CRISP1: variants seen among roughly 807,000 people sequenced by gnomAD.
The protein encoded by CRISP1 is cysteine-rich secretory protein 1.
A neutral mutation model predicts 33.1 loss-of-function variants in CRISP1; 44 were observed. The observed-to-expected ratio is 1.33, with a 90% CI of 1.05 to 1.71. The LOEUF (loss-of-function observed/expected upper bound fraction) is 1.71. CRISP1 is among the 40% of genes most tolerant of loss of function. CRISP1 has a pLI of 0.00. For synonymous variants in CRISP1, 103 were observed against 98.7 expected, an observed-to-expected ratio of 1.04 and a Z score of -0.26; for missense variants, 390 against 301.2, an observed-to-expected ratio of 1.29 and a Z score of -2.18.
chr6:49,865,832 G>T (rs1052498414), intron 1 of CRISP1, among the ~76,000 whole-genome samples: 2 of 152,180 alleles, frequency 1.3e-5, no homozygotes, highest in African/African-American at 4.8e-5. Context: ...CAGATGGAAA[G>T]ACTGCAGAAA....
chr6:49,840,229 G>C (rs1770938949), intron 6 of CRISP1, among the ~76,000 whole-genome samples: 1 of 152,184 alleles, frequency 6.6e-6, no homozygotes, highest in Non-Finnish European at 1.5e-5. Context: ...GGGCCCTGCA[G>C]TCATCCTTGT....
intron 1 of CRISP1, among the ~76,000 whole-genome samples, chr6:49,864,404 G>A (rs1282589149): frequency 6.6e-6 from 1 of 151,572 alleles, no homozygotes; most frequent in African/African-American, 2.4e-5. Context: ...GTGTGTGTGT[G>A]TGTGTGTGTG....
intron 1 of CRISP1, among the ~76,000 whole-genome samples, chr6:49,862,721 G>T (rs1771685303): frequency 6.6e-6 from 1 of 151,704 alleles, no homozygotes; most frequent in Non-Finnish European, 1.5e-5. Flanking sequence ...GCTAAGAAAG[G>T]ACCTTAGATT....
Position 49,864,058 on chromosome 6 carries a change from G to T in CRISP1, c.-3+2371C>A, listed in dbSNP as rs1771730338. On this transcript the variant is annotated intron_variant, in intron 1 of 7. Coordinates refer to ENST00000335847, the MANE Select transcript of CRISP1 (RefSeq NM_001131.3). ...AGGAAGGTCACTTGCACCCCTTTCA[G>T]TCTGAAGCCCTCAAGAGTAAAACCT... is the stretch of plus-strand genomic sequence containing the variant. 2.0e-5 allele frequency among the ~76,000 whole-genome samples: 3 copies of T among 152,228 alleles called. No individual in the cohort carries two copies. In the South Asian group the frequency reaches 6.2e-4, roughly 32 times the overall value.
chr6:49,864,688 A>G (rs1203117045), intron 1 of CRISP1, among the ~76,000 whole-genome samples: 1 of 152,126 alleles, frequency 6.6e-6, no homozygotes, highest in Non-Finnish European at 1.5e-5. Flanking sequence ...TGTGCTTATC[A>G]GCCACTTTGA....
rs879137599 is a variant in CRISP1, at chr6:49,841,086, A to G, written c.436-91T>C. The stretch of plus-strand genomic sequence containing the variant: ...TTGTCATCCATGATTAAAAGTAAAC[A>G]TGTTGCTTTTAGGTTTACTTTGGGC... On this transcript the variant is annotated intron_variant, in intron 5 of 7. Transcript: ENST00000335847. 6.7e-6 allele frequency: 8 copies of G among 1,191,684 alleles called. No individual in the cohort carries two copies. In the South Asian group the frequency reaches 8.0e-5, roughly 12 times the overall value. 73.8% of individuals were successfully genotyped at this position (1,191,684 alleles called of 1,614,324 possible).
rs1561942239 is a variant in CRISP1 at position 49,846,597 on chromosome 6, AC to A, written c.357del (p.Trp119CysfsTer20). ...TGTTTGAAACTTGTAGACTCACTGTACCAGACTCCAATTACACTTGACCATG... is the reference window on the plus strand; with the variant it reads ...TGTTTGAAACTTGTAGACTCACTGTACAGACTCCAATTACACTTGACCATG... The part of the protein sequence containing the change: ...PVSWSSVIGV[W>X]YSESTSFKHG... On this transcript the variant is annotated frameshift_variant, in exon 5 of 8. Transcript: ENST00000335847. LOFTEE classifies it high-confidence loss of function. The A allele has an allele frequency of 6.2e-7, 1 of 1,613,610 alleles. No individual in the cohort carries two copies. Among genetic ancestry groups the A allele is most frequent in the Admixed American group, 1.7e-5 (1 of 59,904 alleles).
intron 3 of CRISP1, among the ~76,000 whole-genome samples, chr6:49,850,437 TCTG>T (rs1771313778): frequency 6.6e-6 from 1 of 152,078 alleles, no homozygotes. Flanking sequence ...GTACCAAAGC[TCTG>T]AATTCCAGCT....
Position 49,835,106 on chromosome 6 carries a change from G to A in CRISP1, c.*210C>T. On this transcript the variant is annotated 3_prime_UTR_variant, in exon 8 of 8. Coordinates refer to ENST00000335847, the MANE Select transcript of CRISP1 (RefSeq NM_001131.3). ...TATAAATCACATGATTTAAATTTAAGGCAGGTGTTGGACTTGACCTTTTAC... is the reference window on the plus strand; with the variant it reads ...TATAAATCACATGATTTAAATTTAAAGCAGGTGTTGGACTTGACCTTTTAC... 2.3e-6 allele frequency: 1 copy of A among 428,746 alleles called. No homozygotes were observed. 26.6% of individuals were successfully genotyped at this position (428,746 alleles called of 1,614,324 possible).
At chr6:49,861,756 G>A (rs992581790) in intron 1 of CRISP1, among the ~76,000 whole-genome samples, 7 of 151,888 alleles carry the variant, frequency 4.6e-5, no homozygotes, top group Non-Finnish European at 7.4e-5. Flanking sequence ...ATGGTGGCAC[G>A]CACCTATAGT....
chr6:49,869,920 A>C (rs1286557547), upstream of CRISP1, among the ~76,000 whole-genome samples: 1 of 152,186 alleles, frequency 6.6e-6, no homozygotes, highest in Non-Finnish European at 1.5e-5. Flanking sequence ...GGTTGAAGGG[A>C]GTGCCTGTGC....
intron 2 of CRISP1, among the ~76,000 whole-genome samples, chr6:49,852,615 T>C (rs1771382932): frequency 6.6e-6 from 1 of 152,144 alleles, no homozygotes; most frequent in Non-Finnish European, 1.5e-5. Flanking sequence ...GAGGACAAAG[T>C]TGCAAGTGTT....
upstream of CRISP1, chr6:49,866,540 T>C (rs943770048): frequency 6.6e-6 from 1 of 152,116 alleles, no homozygotes; most frequent in Non-Finnish European, 1.5e-5. Context: ...TTCAATGAGG[T>C]AGTCAGTACA....
At position 49,846,733 on chromosome 6, in the gene CRISP1, T is replaced by C. The variant is rs536514748; in HGVS notation, c.287-65A>G. 61 of 1,479,076 alleles carry C rather than the reference T, an allele frequency of 4.1e-5. No homozygotes were observed. The Admixed American group carries it at 5.9e-4, about 14-fold the overall frequency. The allele number at this position is 1,479,076 out of a possible 1,614,324, so 91.6% of individuals were successfully genotyped here. A position where few individuals can be genotyped will look rare whatever the true frequency, so the allele number is the denominator to read the frequency against. ...TGGGAAATAGTATACAAGGAGACTT[T>C]CCTCATTTTTATTTTATGAATGGTT... is the stretch of plus-strand genomic sequence containing the variant. On this transcript the variant is annotated intron_variant, in intron 4 of 7. Transcript: ENST00000335847.
intron 7 of CRISP1, 132 bp downstream of exon 7, chr6:49,838,305 C>A: frequency 1.5e-6 from 1 of 679,318 alleles, no homozygotes; most frequent in Non-Finnish European, 2.5e-6. Flanking sequence ...GAGGGGTAAG[C>A]AGAAATAATT....
At chr6:49,857,089 T>C (rs1172520428) in intron 2 of CRISP1, among the ~76,000 whole-genome samples, 1 of 152,160 alleles carries the variant, frequency 6.6e-6, no homozygotes, top group African/African-American at 2.4e-5. Context: ...TTAAGTATAA[T>C]TTCAGGCCCT....
At chr6:49,862,890 T>A (rs962850388) in intron 1 of CRISP1, among the ~76,000 whole-genome samples, 1 of 151,760 alleles carries the variant, frequency 6.6e-6, no homozygotes, top group Non-Finnish European at 1.5e-5. Flanking sequence ...TTGGGGTGAC[T>A]GAGTCAAAAT....
rs1341967457 is a variant in CRISP1 at position 49,835,253 on chromosome 6, A to G, written c.*63T>C. 3 of 1,557,346 alleles carry G rather than the reference A, an allele frequency of 1.9e-6. No individual in the cohort carries two copies. The highest frequency in any genetic ancestry group is 2.6e-6 in the Non-Finnish European group (3 of 1,145,674). ...AAGCTACTGAACTATAGCAAAAGAC[A>G]TGAATCCAACAGACATCTCCTCCTC... On this transcript the variant is annotated 3_prime_UTR_variant, in exon 8 of 8. Coordinates refer to ENST00000335847, the MANE Select transcript of CRISP1 (RefSeq NM_001131.3).
At chr6:49,857,221 G>A in intron 2 of CRISP1, 114 bp downstream of exon 2, 1 of 907,806 alleles carries the variant, frequency 1.1e-6, no homozygotes, top group Non-Finnish European at 1.7e-6. Flanking sequence ...AAAACAAAGT[G>A]AGTAATGGGT....
Sources: allele counts gnomAD v4.1 joint callset (sites outside exome capture counted in the v4.1 genomes callset), GRCh38; gene constraint gnomAD v4.1.1; transcripts MANE v1.5; gene names NCBI Gene and HGNC (gene_info 2026-07-23, HGNC 2026-07-21).